STXBP6: variants seen among roughly 807,000 people sequenced by gnomAD.
STXBP6 encodes syntaxin binding protein 6.
STXBP6 carries 21 observed loss-of-function variants against 26.9 expected under a neutral mutation model. That is an observed-to-expected ratio of 0.78 (90% confidence interval 0.55 to 1.12). The LOEUF (loss-of-function observed/expected upper bound fraction) is 1.12, where lower values mean the gene tolerates loss of function less well. STXBP6 is among the 50% of genes most tolerant of loss of function. The pLI is 0.00. For synonymous variants in STXBP6, 97 were observed against 92.6 expected (o/e 1.05, Z -0.27); for missense variants, 232 against 257.9 (o/e 0.90, Z 0.69).
intron 4 of STXBP6, among the ~76,000 whole-genome samples, chr14:24,850,702 G>C (rs944987163): frequency 6.6e-6 from 1 of 152,046 alleles, no homozygotes; most frequent in African/African-American, 2.4e-5. Context: ...AGTCAAGCTG[G>C]TGAAGGTGCC....
At chr14:24,944,982 G>T (rs2072930791) in intron 2 of STXBP6, among the ~76,000 whole-genome samples, 1 of 152,022 alleles carries the variant, frequency 6.6e-6, no homozygotes, top group Non-Finnish European at 1.5e-5. Context: ...GAGAGCAACA[G>T]ACTCAGTGCT....
intron 2 of STXBP6, among the ~76,000 whole-genome samples, chr14:24,873,357 A>G (rs575071903): frequency 6.6e-6 from 1 of 152,340 alleles, no homozygotes; most frequent in East Asian, 1.9e-4. Context: ...ACAAGCCAGA[A>G]GAGCCAGGAC....
chr14:24,887,550 AG>A (rs2070636315), intron 2 of STXBP6, among the ~76,000 whole-genome samples: 1 of 152,158 alleles, frequency 6.6e-6, no homozygotes, highest in Admixed American at 6.5e-5. Context: ...TTTTGCAAAC[AG>A]GGCTTATTAA....
intron 2 of STXBP6, among the ~76,000 whole-genome samples, chr14:24,881,896 G>T (rs931681534): frequency 2.0e-5 from 3 of 152,198 alleles, no homozygotes; most frequent in Admixed American, 6.5e-5. Flanking sequence ...GAATGGGGAA[G>T]ATCTCCAATT....
intron 2 of STXBP6, among the ~76,000 whole-genome samples, chr14:24,962,744 C>G (rs2073591451): frequency 6.6e-6 from 1 of 151,992 alleles, no homozygotes; most frequent in Admixed American, 6.6e-5. Context: ...CAGAGAAGAA[C>G]GATTCCAGTC....
Position 25,049,823 on chromosome 14 carries a change from T to C in STXBP6, c.-33+55A>G, listed in dbSNP as rs936201205. ...AACAGCCGTGGCGGCTGCAACCGCA[T>C]CTCCCGGGCTTGGCCTCCGCCCTGA... On this transcript the variant is annotated intron_variant, in intron 1 of 5. Transcript: ENST00000323944. This position sits in a 1 kb window ranked among gnomAD's most constrained non-coding sequence, Gnocchi z 5.6. The C allele has an allele frequency of 1.4e-5, 14 of 985,552 alleles. No homozygotes were observed. In the African/African-American group the frequency reaches 2.3e-4, roughly 16 times the overall value. 61.1% of individuals were successfully genotyped at this position (985,552 alleles called of 1,614,324 possible). A position where few individuals can be genotyped will look rare whatever the true frequency, so the allele number is the denominator to read the frequency against.
intron 2 of STXBP6, among the ~76,000 whole-genome samples, chr14:24,886,712 G>A (rs370127790): frequency 6.6e-6 from 1 of 152,136 alleles, no homozygotes; most frequent in Non-Finnish European, 1.5e-5. Context: ...GGTATTCAAA[G>A]TAACACTCTC....
chr14:24,887,065 A>C (rs1309949136), intron 2 of STXBP6, among the ~76,000 whole-genome samples: 2 of 152,192 alleles, frequency 1.3e-5, no homozygotes, highest in Non-Finnish European at 1.5e-5. Context: ...ATGAATGAGA[A>C]GGTATTTTGG....
intron 2 of STXBP6, among the ~76,000 whole-genome samples, chr14:24,917,677 T>C (rs1458718751): frequency 6.6e-6 from 1 of 152,066 alleles, no homozygotes; most frequent in Non-Finnish European, 1.5e-5. Context: ...GATAACAATC[T>C]TTATTACCTT....
intron 1 of STXBP6, among the ~76,000 whole-genome samples, chr14:24,992,884 G>C (rs1322281646): frequency 6.6e-6 from 1 of 152,168 alleles, no homozygotes; most frequent in Non-Finnish European, 1.5e-5. Context: ...GTCAACTTTA[G>C]AGCATCTGAA....
At chr14:24,926,953 G>A (rs1323606443) in intron 2 of STXBP6, among the ~76,000 whole-genome samples, 1 of 151,014 alleles carries the variant, frequency 6.6e-6, no homozygotes, top group African/African-American at 2.4e-5. Flanking sequence ...AAAAAATAAA[G>A]TTAATAATTA....
chr14:24,970,131 C>T (rs1255287297), intron 2 of STXBP6, among the ~76,000 whole-genome samples: 2 of 151,994 alleles, frequency 1.3e-5, no homozygotes, highest in Non-Finnish European at 2.9e-5. Context: ...ATCCCAGTTA[C>T]TCAGGAGGCT....
At chr14:24,999,909 A>G (rs1429012101) in intron 1 of STXBP6, among the ~76,000 whole-genome samples, 1 of 152,198 alleles carries the variant, frequency 6.6e-6, no homozygotes, top group Non-Finnish European at 1.5e-5. Flanking sequence ...CCGTGTCTGT[A>G]AGGACAACAC....
intron 1 of STXBP6, among the ~76,000 whole-genome samples, chr14:25,003,832 A>G (rs553983261): frequency 6.6e-6 from 1 of 152,378 alleles, no homozygotes; most frequent in East Asian, 1.9e-4. Flanking sequence ...TGACAGCAAC[A>G]CAATGGCAGC....
chr14:24,871,889 A>G (rs2069949287), intron 2 of STXBP6, among the ~76,000 whole-genome samples: 1 of 152,216 alleles, frequency 6.6e-6, no homozygotes, highest in Admixed American at 6.5e-5. Context: ...GTGTGAGGAC[A>G]CAAAGGCAAT....
intron 1 of STXBP6, among the ~76,000 whole-genome samples, chr14:25,041,830 ATGCTCTGCCC>A (rs2075648392): frequency 6.6e-6 from 1 of 152,236 alleles, no homozygotes; most frequent in Non-Finnish European, 1.5e-5. Flanking sequence ...AGCAGTTCAA[ATGCTCTGCCC>A]TGGCATTGTA....
At chr14:25,006,249 C>T (rs909211755) in intron 1 of STXBP6, among the ~76,000 whole-genome samples, 6 of 152,072 alleles carry the variant, frequency 3.9e-5, no homozygotes, top group African/African-American at 1.4e-4. Context: ...CGTGGCTGTA[C>T]CTAACTCCAA....
intron 2 of STXBP6, among the ~76,000 whole-genome samples, chr14:24,876,829 G>A (rs1253986967): frequency 2.0e-5 from 3 of 152,214 alleles, no homozygotes; most frequent in East Asian, 1.9e-4. Flanking sequence ...TTAGAGCAAT[G>A]ATGAATCAGA....
At chr14:24,825,802 T>C (rs2068263587) in intron 4 of STXBP6, among the ~76,000 whole-genome samples, 1 of 152,200 alleles carries the variant, frequency 6.6e-6, no homozygotes, top group African/African-American at 2.4e-5. Context: ...TTTATTCAGG[T>C]CTCTTTAAAC....
Sources: allele counts gnomAD v4.1 joint callset (sites outside exome capture counted in the v4.1 genomes callset), GRCh38; gene constraint gnomAD v4.1.1; non-coding constraint Gnocchi (gnomAD v3.1); transcripts MANE v1.5; gene names NCBI Gene and HGNC (gene_info 2026-07-23, HGNC 2026-07-21).